The following NT5DC4 variants were observed in gnomAD, a reference collection of about 807,000 sequenced individuals.
NT5DC4 encodes the protein 5'-nucleotidase domain-containing protein 4.
NT5DC4 carries 44 observed loss-of-function variants against 26.6 expected under a neutral mutation model. The observed-to-expected ratio is 1.65, with a 90% CI of 1.30 to 2.13. NT5DC4 has a LOEUF of 2.13. NT5DC4 is among the 30% of genes most tolerant of loss of function. The pLI is 0.00. For synonymous variants in NT5DC4, 157 were observed against 86.7 expected, an observed-to-expected ratio of 1.81 and a Z score of -4.51; for missense variants, 399 against 228.1, an observed-to-expected ratio of 1.75 and a Z score of -4.83.
intron 8 of NT5DC4, 81 bp downstream of exon 8, chr2:112,723,549 T>C (rs1677256353): frequency 1.4e-6 from 1 of 704,178 alleles, no homozygotes; most frequent in Non-Finnish European, 2.6e-6. Context: ...CTGGCTTTCT[T>C]CGAGGTTTAG....
At chr2:112,723,205 CT>C (rs537034089) in intron 7 of NT5DC4, 31 bp downstream of exon 7, 1 of 717,272 alleles carries the variant, frequency 1.4e-6, no homozygotes, top group Non-Finnish European at 2.6e-6. Flanking sequence ...CCCCGGACCC[CT>C]GACCTGTCTG....
chr2:112,725,320 CGA>C, intron 12 of NT5DC4, 60 bp from the exon 13 acceptor site: 1 of 690,458 alleles, frequency 1.4e-6, no homozygotes, highest in South Asian at 1.5e-5. Flanking sequence ...TCACCTGCCC[CGA>C]GTCACCTACC....
intron 7 of NT5DC4, 21 bp downstream of exon 7, chr2:112,723,195 C>T (rs1348325396): frequency 2.8e-6 from 2 of 717,134 alleles, no homozygotes; most frequent in Admixed American, 2.0e-5. Context: ...GGTCCAGAAC[C>T]CCCGGACCCC....
Position 112,724,858 on chromosome 2 carries a change from A to G in NT5DC4, c.867A>G (p.Ala289=), listed in dbSNP as rs556116804. Residue 289 remains alanine, a synonymous_variant, in exon 11 of 17, where the codon GCA becomes GCG. Coordinates refer to ENST00000688554, the MANE Select transcript of NT5DC4 (RefSeq NM_001393655.1). The stretch of plus-strand genomic sequence containing the variant: ...ACACGCAGAAGCCCCACTTCTTTGC[A>G]GAGGGGTTGGTCCTGAGGCAGGTCA... ...VVDTQKPHFF[A]EGLVLRQVNT... is the part of the protein sequence containing the mutation. 63 of 717,166 alleles carry G rather than the reference A, an allele frequency of 8.8e-5. 1 individual carries two copies. The highest frequency in any genetic ancestry group is 8.4e-4 in the Admixed American group (42 of 50,002). 44.4% of individuals were successfully genotyped at this position (717,166 alleles called of 1,614,324 possible).
chr2:112,736,348 A>G (rs1412404024), intron 16 of NT5DC4, among the ~76,000 whole-genome samples: 1 of 147,896 alleles, frequency 6.8e-6, no homozygotes, highest in East Asian at 1.9e-4. Context: ...TAATTCTTGC[A>G]TTTTGGTGAC....
chr2:112,720,224 A>G (rs1400125725), upstream of NT5DC4, among the ~76,000 whole-genome samples: 1 of 11,222 alleles, frequency 8.9e-5, no homozygotes, highest in Admixed American at 2.0e-3. Flanking sequence ...CAAGAGGGCA[A>G]TTTTTTTTTT....
intron 7 of NT5DC4, 107 bp downstream of exon 7, chr2:112,723,281 G>A: frequency 1.4e-6 from 1 of 708,358 alleles, no homozygotes; most frequent in South Asian, 1.5e-5. Flanking sequence ...TCTTCCTACT[G>A]AGGACTGAGG....
chr2:112,719,904 T>TTTTCTTTCTTTC (rs1172710335), upstream of NT5DC4, among the ~76,000 whole-genome samples: 937 of 98,602 alleles, frequency 9.5e-3, 16 homozygotes, highest in Middle Eastern at 0.015. Context: ...CTTTCTTTCT[T>TTTTCTTTCTTTC]TTTCTTTCTT....
chr2:112,740,667 G>A, downstream of NT5DC4: 2 of 629,750 alleles, frequency 3.2e-6, no homozygotes, highest in South Asian at 2.2e-5. Context: ...CATAGGACGG[G>A]GGTGAATGCA....
chr2:112,731,917 CTTTTTT>C lies in NT5DC4; in HGVS notation c.1344+2231_1344+2236del, dbSNP rs749249208. 9.6e-3 allele frequency among the ~76,000 whole-genome samples: 1,043 copies of C among 108,596 alleles called. 14 individuals are homozygous for C. The highest frequency in any genetic ancestry group is 0.035 in the African/African-American group (964 of 27,666). 71.2% of individuals were successfully genotyped at this position (108,596 alleles called of 152,430 possible). A position where few individuals can be genotyped will look rare whatever the true frequency, so the allele number is the denominator to read the frequency against. ...ACGGGCCATGGAATCAGAGAGTTTA[CTTTTTT>C]TTTTTTTTTTTTTTTTTGAGACAGA... is the stretch of plus-strand genomic sequence containing the variant. On this transcript the variant is annotated intron_variant, in intron 16 of 16. Coordinates refer to ENST00000688554, the MANE Select transcript of NT5DC4 (RefSeq NM_001393655.1).
intron 15 of NT5DC4, among the ~76,000 whole-genome samples, chr2:112,727,774 T>C (rs1025845362): frequency 1.2e-4 from 18 of 150,206 alleles, no homozygotes; most frequent in African/African-American, 4.1e-4. Context: ...GGGATTTCAA[T>C]TCAGTGTGTT....
Position 112,722,707 on chromosome 2 carries a change from C to T in NT5DC4, c.470-7C>T, listed in dbSNP as rs1055765902. ...GGCTGACAACTGACCATCCTGTCTGCCCCCAGAAACCTACCTCTATGCCTG... is the reference window on the plus strand; with the variant it reads ...GGCTGACAACTGACCATCCTGTCTGTCCCCAGAAACCTACCTCTATGCCTG... On this transcript the variant is annotated splice_polypyrimidine_tract_variant and splice_region_variant and intron_variant, in intron 5 of 16. Coordinates refer to ENST00000688554, the MANE Select transcript of NT5DC4 (RefSeq NM_001393655.1). 2.8e-6 allele frequency: 2 copies of T among 717,620 alleles called. No individual in the cohort carries two copies. Among genetic ancestry groups the T allele is most frequent in the Non-Finnish European group, 5.2e-6 (2 of 385,106 alleles). The allele number at this position is 717,620 out of a possible 1,614,324, so 44.5% of individuals were successfully genotyped here.
At chr2:112,726,539 T>G (rs1677741822) in intron 14 of NT5DC4, 139 bp from the exon 15 acceptor site, 1 of 687,820 alleles carries the variant, frequency 1.5e-6, no homozygotes, top group South Asian at 1.6e-5. Context: ...CTCGCACGCA[T>G]GCACACACCC....
At chr2:112,722,378 C>G (rs1266820097) in intron 4 of NT5DC4, 100 bp downstream of exon 4, 2 of 711,482 alleles carry the variant, frequency 2.8e-6, no homozygotes, top group East Asian at 5.4e-5. Flanking sequence ...CGCAGGCCCA[C>G]GGTGGAGGCT....
chr2:112,731,917 C>CTTTTTTTT (rs749249208), intron 16 of NT5DC4, among the ~76,000 whole-genome samples: 3 of 108,634 alleles, frequency 2.8e-5, no homozygotes, highest in African/African-American at 7.2e-5. Flanking sequence ...AGAGAGTTTA[C>CTTTTTTTT]TTTTTTTTTT....
At chr2:112,719,930 C>CTTTCTT (rs879286523), upstream of NT5DC4, among the ~76,000 whole-genome samples, 179 of 47,174 alleles carry the variant, frequency 3.8e-3, 2 homozygotes, top group African/African-American at 0.014. Context: ...CTTTCTCTTT[C>CTTTCTT]TTTCTTTCTT....
In NT5DC4 at chr2:112,723,442, G is replaced by T; in HGVS notation, c.646G>T (p.Asp216Tyr). ...QSGCLKKTLE[D>Y]LEKYVKKDPR... ...GGGCTGTCTCAAGAAGACCCTGGAGGACTTGGAGAAATATGTGAAGAAGGA... is the reference window on the plus strand; with the variant it reads ...GGGCTGTCTCAAGAAGACCCTGGAGTACTTGGAGAAATATGTGAAGAAGGA... The change falls in exon 8 of 17, where the codon GAC becomes TAC. Residue 216 changes from aspartate (D) to tyrosine (Y), a missense_variant. By Grantham distance (160) the Asp-to-Tyr change is radical. Coordinates refer to ENST00000688554, the MANE Select transcript of NT5DC4 (RefSeq NM_001393655.1). The T allele has an allele frequency of 1.4e-6, 1 of 716,204 alleles. No homozygotes were observed. The allele number at this position is 716,204 out of a possible 1,614,324, so 44.4% of individuals were successfully genotyped here.
chr2:112,732,074 C>A (rs193191398), intron 16 of NT5DC4, among the ~76,000 whole-genome samples: 1 of 152,096 alleles, frequency 6.6e-6, no homozygotes, highest in African/African-American at 2.4e-5. Flanking sequence ...CCACACCTGG[C>A]TAATTTTTGT....
At chr2:112,739,339 T>C (rs1161186004), downstream of NT5DC4, among the ~76,000 whole-genome samples, 1 of 152,114 alleles carries the variant, frequency 6.6e-6, no homozygotes, top group Admixed American at 6.6e-5. Context: ...GAGGACTGCT[T>C]GAGCCCAGAA....
Sources: gnomAD v4.1 joint callset for allele counts (sites outside exome capture counted in the v4.1 genomes callset) on GRCh38, gnomAD v4.1.1 for gene constraint, MANE v1.5 for transcripts, NCBI Gene and HGNC (gene_info 2026-07-23, HGNC 2026-07-21) for gene names.